FAAH2: variants seen among roughly 807,000 people sequenced by gnomAD.
The protein encoded by FAAH2 is fatty acid amide hydrolase 2, also known as fatty-acid amide hydrolase 2.
A neutral mutation model predicts 36.9 loss-of-function variants in FAAH2; 60 were observed. That is an observed-to-expected ratio of 1.63 (90% confidence interval 1.32 to 2.02). The LOEUF is 2.02. Among genes scored for constraint, FAAH2 ranks in the 30% most tolerant of loss-of-function variants. The pLI, the probability that FAAH2 is intolerant of heterozygous loss-of-function variation, is 0.00. For synonymous variants in FAAH2, 214 were observed against 143.8 expected (o/e 1.49, Z -3.49); for missense variants, 689 against 397.5 (o/e 1.73, Z -6.23).
intron 5 of FAAH2, among the ~76,000 whole-genome samples, chrX:57,369,499 C>G (rs1225877666): frequency 9.0e-6 from 1 of 111,644 alleles, no homozygotes; most frequent in Non-Finnish European, 1.9e-5. Flanking sequence ...ATAAAAGGAT[C>G]TCCATCTGAC....
chrX:57,360,142 G>C (rs1418934355), intron 5 of FAAH2, among the ~76,000 whole-genome samples: 1 of 109,996 alleles, frequency 9.1e-6, no homozygotes, highest in Non-Finnish European at 1.9e-5. Context: ...TTGACTGCTT[G>C]ATTATAATTT....
At chrX:57,177,595 T>C in the FAAH2 span, among the ~76,000 whole-genome samples, 198 of 80,981 alleles carry the variant, frequency 2.4e-3, 2 homozygotes, top group African/African-American at 9.2e-3. Context: ...TATATATATA[T>C]ATATATATAT....
chrX:57,426,662 G>GA (rs1207872277), intron 7 of FAAH2, among the ~76,000 whole-genome samples: 1 of 111,643 alleles, frequency 9.0e-6, no homozygotes, highest in African/African-American at 3.2e-5. Context: ...TTGAGTCAAT[G>GA]AAAAAATGTA....
chrX:57,247,795 G>A, the FAAH2 span, among the ~76,000 whole-genome samples: 1 of 112,102 alleles, frequency 8.9e-6, no homozygotes, highest in Non-Finnish European at 1.9e-5. Flanking sequence ...TGCATGGGAG[G>A]CAATAAACTT....
chrX:57,173,216 A>T, the FAAH2 span, among the ~76,000 whole-genome samples: 1 of 112,163 alleles, frequency 8.9e-6, no homozygotes. Flanking sequence ...TAAGCATGGG[A>T]TGCATTTTTA....
At chrX:57,163,667 C>T in the FAAH2 span, among the ~76,000 whole-genome samples, 3 of 112,415 alleles carry the variant, frequency 2.7e-5, no homozygotes, top group Non-Finnish European at 3.8e-5. Flanking sequence ...GGAAAGGGAA[C>T]TCCCTGACCC....
chrX:57,305,863 T>C (rs931321412), intron 2 of FAAH2, among the ~76,000 whole-genome samples: 5 of 111,806 alleles, frequency 4.5e-5, no homozygotes, highest in East Asian at 2.8e-4. Context: ...CTGATATCTA[T>C]CTTTCTGAGT....
intron 7 of FAAH2, among the ~76,000 whole-genome samples, chrX:57,419,094 C>T (rs2055933217): frequency 9.3e-6 from 1 of 107,783 alleles, no homozygotes; most frequent in African/African-American, 3.4e-5. Flanking sequence ...ATATGTGCCA[C>T]ATTTTCTTAA....
At chrX:57,427,786 T>C (rs1038909969) in intron 7 of FAAH2, among the ~76,000 whole-genome samples, 30 of 111,417 alleles carry the variant, frequency 2.7e-4, no homozygotes, top group African/African-American at 9.8e-4. Flanking sequence ...AAGAAGCCCA[T>C]AGCCAGCCTT....
intron 7 of FAAH2, among the ~76,000 whole-genome samples, chrX:57,421,221 G>A (rs773635417): frequency 1.8e-5 from 2 of 111,798 alleles, no homozygotes; most frequent in Non-Finnish European, 3.8e-5. Context: ...CAAGGCAGGC[G>A]GATCACAAGA....
At chrX:57,429,102 G>A (rs1439325182) in intron 7 of FAAH2, among the ~76,000 whole-genome samples, 3 of 111,090 alleles carry the variant, frequency 2.7e-5, no homozygotes, top group South Asian at 3.8e-4. Flanking sequence ...TTGGGAGGCC[G>A]AGGTGGGCGG....
At chrX:57,202,334 A>T in the FAAH2 span, among the ~76,000 whole-genome samples, 18 of 112,239 alleles carry the variant, frequency 1.6e-4, no homozygotes, top group East Asian at 5.1e-3. Context: ...TATAATCTTT[A>T]TCTGCTTTGT....
At chrX:57,180,222 A>G in the FAAH2 span, among the ~76,000 whole-genome samples, 4 of 111,877 alleles carry the variant, frequency 3.6e-5, no homozygotes, top group Non-Finnish European at 7.5e-5. Context: ...GCAAAAACAA[A>G]TGAACCCCAA....
intron 7 of FAAH2, among the ~76,000 whole-genome samples, chrX:57,396,257 ATCCTT>A (rs1215788973): frequency 9.1e-6 from 1 of 110,170 alleles, no homozygotes; most frequent in East Asian, 2.8e-4. Flanking sequence ...AATTTTGTCT[ATCCTT>A]TCAAAGAACA....
At chrX:57,438,035 G>A (rs907924524) in intron 8 of FAAH2, among the ~76,000 whole-genome samples, 1 of 100,919 alleles carries the variant, frequency 9.9e-6, no homozygotes, top group Non-Finnish European at 2.0e-5. Flanking sequence ...ATATACATAT[G>A]TATATATATA....
the FAAH2 span, among the ~76,000 whole-genome samples, chrX:57,199,881 A>AT: frequency 5.4e-5 from 6 of 111,654 alleles, no homozygotes; most frequent in East Asian, 2.8e-4. Flanking sequence ...CTAGAAATTT[A>AT]TTTTTTCTGA....
intron 3 of FAAH2, among the ~76,000 whole-genome samples, chrX:57,329,971 CTT>C (rs987313063): frequency 8.9e-6 from 1 of 111,970 alleles, no homozygotes; most frequent in Non-Finnish European, 1.9e-5. Context: ...ACTTTAATCT[CTT>C]AATCCTGTCA....
chrX:57,216,502 GTATATATATATATATACGTATATGTA>G, the FAAH2 span, among the ~76,000 whole-genome samples: 8 of 52,231 alleles, frequency 1.5e-4, no homozygotes, highest in African/African-American at 5.8e-4. Flanking sequence ...ATACGTATAT[GTATATATATATATATACGTATATGTA>G]TATATATATA....
chrX:57,462,687 C>A (rs903620467), intron 10 of FAAH2, among the ~76,000 whole-genome samples: 5 of 112,376 alleles, frequency 4.4e-5, no homozygotes, highest in Admixed American at 9.4e-5. Context: ...TTATGATAAA[C>A]CCATAGCCAA....
Sources: gnomAD v4.1 joint callset for allele counts (sites outside exome capture counted in the v4.1 genomes callset) on GRCh38, gnomAD v4.1.1 for gene constraint, MANE v1.5 for transcripts, NCBI Gene and HGNC (gene_info 2026-07-23, HGNC 2026-07-21) for gene names.